Variants in CRTAC1 observed in about 807,000 individuals in gnomAD.
CRTAC1 encodes the protein acidic secreted protein in cartilage.
A neutral mutation model predicts 67.8 loss-of-function variants in CRTAC1; 37 were observed. That is an observed-to-expected ratio of 0.55 (90% CI 0.42 to 0.72). CRTAC1 has a LOEUF of 0.72. Among genes scored for constraint, CRTAC1 ranks in the 30% least tolerant of loss-of-function variants. CRTAC1 has a pLI of 0.00. For synonymous variants in CRTAC1, 348 were observed against 371.0 expected, an observed-to-expected ratio of 0.94 and a Z score of 0.71; for missense variants, 780 against 931.6, an observed-to-expected ratio of 0.84 and a Z score of 2.12.
chr10:97,909,711 C>A (rs1315098318), intron 5 of CRTAC1, among the ~76,000 whole-genome samples: 1 of 152,044 alleles, frequency 6.6e-6, no homozygotes, highest in Non-Finnish European at 1.5e-5. Flanking sequence ...GTATATATAT[C>A]CAAAGGAAAT....
intron 1 of CRTAC1, among the ~76,000 whole-genome samples, chr10:98,018,723 A>G (rs755815396): frequency 4.5e-4 from 69 of 152,270 alleles, no homozygotes; most frequent in Non-Finnish European, 9.0e-4. Context: ...CAAGAAGCCT[A>G]AATATTTCCG....
At chr10:97,939,707 C>T (rs541327420) in intron 2 of CRTAC1, among the ~76,000 whole-genome samples, 2 of 152,238 alleles carry the variant, frequency 1.3e-5, no homozygotes, top group South Asian at 2.1e-4. Context: ...TGCTTCCTCA[C>T]CATCCCCTGA....
At chr10:98,002,761 CTTTTTTTTTTTTT>C (rs531021933) in intron 2 of CRTAC1, among the ~76,000 whole-genome samples, 161 of 37,262 alleles carry the variant, frequency 4.3e-3, no homozygotes, top group South Asian at 7.0e-3. Context: ...ACAAAACTCA[CTTTTTTTTTTTTT>C]TTTTTTTTTT....
rs2050235050 is a variant in CRTAC1, at chr10:97,882,907, A to T, written c.1633-79T>A. ...GGTTCCCTCCTAGTCACAGCCACAG[A>T]GTAGTTGTCACCCTAACCACAGTGT... is the stretch of plus-strand genomic sequence containing the variant. On this transcript the variant is annotated intron_variant, in intron 12 of 14. Transcript: ENST00000370597. The T allele has an allele frequency of 6.9e-6, 10 of 1,439,162 alleles. No individual in the cohort carries two copies. The South Asian group carries it at 1.2e-4, about 17-fold the overall frequency. The allele number at this position is 1,439,162 out of a possible 1,614,324, so 89.1% of individuals were successfully genotyped here.
intron 1 of CRTAC1, among the ~76,000 whole-genome samples, chr10:98,025,795 G>T (rs1205122376): frequency 6.6e-6 from 1 of 152,202 alleles, no homozygotes; most frequent in East Asian, 1.9e-4. Flanking sequence ...AGGCTCCAAG[G>T]AAGGCTTCTC....
In CRTAC1 at chr10:98,029,509, GGCGGCGGCGGCGGCGGCGGCA is replaced by G. The variant is rs1467012500; in HGVS notation, c.24+919_24+939del. On this transcript the variant is annotated intron_variant, in intron 1 of 14. Coordinates refer to ENST00000370597, the MANE Select transcript of CRTAC1 (RefSeq NM_018058.7). The surrounding 1 kb of genome is among the most constrained non-coding windows in gnomAD (Gnocchi z 4.7). The stretch of plus-strand genomic sequence containing the variant: ...CAGCAGCAGCGGCGGCGGCGGCGGC[GGCGGCGGCGGCGGCGGCGGCA>G]GCAGCAGCAATATTCATTAGTCATT... 8.0e-4 allele frequency among the ~76,000 whole-genome samples: 117 copies of G among 145,816 alleles called. No homozygotes were observed. Among genetic ancestry groups the G allele is most frequent in the African/African-American group, 3.2e-3 (115 of 36,064 alleles).
chr10:97,883,987 T>C (rs1437995173), intron 12 of CRTAC1, among the ~76,000 whole-genome samples: 1 of 152,242 alleles, frequency 6.6e-6, no homozygotes, highest in Non-Finnish European at 1.5e-5. Flanking sequence ...ATGCTTGCCC[T>C]GCCAATACAC....
chr10:97,965,720 G>A (rs1564915223), intron 2 of CRTAC1, among the ~76,000 whole-genome samples: 1 of 152,126 alleles, frequency 6.6e-6, no homozygotes, highest in Non-Finnish European at 1.5e-5. Context: ...ATAGAGACAT[G>A]TGTAATGAAC....
chr10:97,946,488 C>A (rs533521928), intron 2 of CRTAC1, among the ~76,000 whole-genome samples: 35 of 152,272 alleles, frequency 2.3e-4, no homozygotes, highest in African/African-American at 6.7e-4. Context: ...ATGTAAAAAA[C>A]CCCAGAAAAG....
intron 2 of CRTAC1, among the ~76,000 whole-genome samples, chr10:97,994,889 T>C (rs1223116349): frequency 6.6e-6 from 1 of 152,160 alleles, no homozygotes; most frequent in African/African-American, 2.4e-5. Context: ...GGCCACCTTA[T>C]CCTGTGTGAG....
At chr10:97,989,319 G>A (rs573088872) in intron 2 of CRTAC1, among the ~76,000 whole-genome samples, 15 of 152,228 alleles carry the variant, frequency 9.9e-5, no homozygotes, top group African/African-American at 2.6e-4. Context: ...ACTGAGATAC[G>A]TTCTGAGAGA....
chr10:97,958,840 C>T (rs1394296521), intron 2 of CRTAC1, among the ~76,000 whole-genome samples: 1 of 152,148 alleles, frequency 6.6e-6, no homozygotes, highest in African/African-American at 2.4e-5. Flanking sequence ...CAGGATGAAA[C>T]TAATGGGGAT....
At chr10:97,959,848 A>G (rs903530039) in intron 2 of CRTAC1, among the ~76,000 whole-genome samples, 85 of 152,176 alleles carry the variant, frequency 5.6e-4, no homozygotes, top group Non-Finnish European at 8.2e-4. Context: ...GGGGTTTGGC[A>G]CAACATCCTT....
At chr10:97,954,122 G>T (rs1346601034) in intron 2 of CRTAC1, among the ~76,000 whole-genome samples, 1 of 152,118 alleles carries the variant, frequency 6.6e-6, no homozygotes, top group Non-Finnish European at 1.5e-5. Flanking sequence ...GACCCCACAA[G>T]GCTCCTGGTC....
intron 14 of CRTAC1, 137 bp downstream of exon 14, chr10:97,880,112 C>T: frequency 9.7e-7 from 1 of 1,031,170 alleles, no homozygotes; most frequent in Non-Finnish European, 1.4e-6. Context: ...TCCCTGGAGA[C>T]CCAATATGGG....
At chr10:97,873,313 G>A (rs2050112973) in intron 14 of CRTAC1, among the ~76,000 whole-genome samples, 1 of 152,128 alleles carries the variant, frequency 6.6e-6, no homozygotes. Context: ...ATGGCATTTT[G>A]GCACATGTGA....
chr10:97,872,376 C>T (rs151254732), intron 14 of CRTAC1, among the ~76,000 whole-genome samples: 3 of 152,262 alleles, frequency 2.0e-5, no homozygotes, highest in East Asian at 1.9e-4. Context: ...CCCAGGCTAC[C>T]CCCTGAGCTG....
intron 2 of CRTAC1, among the ~76,000 whole-genome samples, chr10:97,984,744 T>A (rs1368985579): frequency 1.3e-5 from 2 of 152,202 alleles, no homozygotes; most frequent in Non-Finnish European, 2.9e-5. Context: ...GGGCACGTGA[T>A]GCTCAGTGGG....
chr10:98,000,974 G>A (rs1590279627), intron 2 of CRTAC1, among the ~76,000 whole-genome samples: 1 of 152,106 alleles, frequency 6.6e-6, no homozygotes, highest in Admixed American at 6.5e-5. Context: ...ACTTTGAAAA[G>A]TTCAAAGTTA....
Sources: gnomAD v4.1 joint callset for allele counts (sites outside exome capture counted in the v4.1 genomes callset) on GRCh38, gnomAD v4.1.1 for gene constraint, Gnocchi (gnomAD v3.1) non-coding constraint, MANE v1.5 for transcripts, NCBI Gene and HGNC (gene_info 2026-07-23, HGNC 2026-07-21) for gene names.